ANKUB1: variants seen among roughly 807,000 people sequenced by gnomAD.
ANKUB1 encodes the protein ankyrin repeat and ubiquitin domain containing 1, also known as protein ANKUB1.
Under a neutral mutation model 49.3 loss-of-function variants are expected in ANKUB1, and 42 were observed. The observed-to-expected ratio is 0.85, with a 90% confidence interval of 0.67 to 1.10. ANKUB1 has a LOEUF of 1.10. ANKUB1 is among the 50% of genes least tolerant of loss of function. ANKUB1 has a pLI of 0.00. For missense variants in ANKUB1, 613 were observed against 642.0 expected, an observed-to-expected ratio of 0.95 and a Z score of 0.49; for synonymous variants, 222 against 231.0, an observed-to-expected ratio of 0.96 and a Z score of 0.35.
At position 149,767,849 on chromosome 3, in the gene ANKUB1, AT is replaced by A. The variant is rs778338192; in HGVS notation, c.812del (p.Asn271MetfsTer8). The A allele has an allele frequency of 3.9e-6, 6 of 1,551,634 alleles. No homozygotes were observed. In the South Asian group the frequency reaches 5.9e-5, roughly 15 times the overall value. ...TGGTCAGGGGAGTTTGTCCTGCTGC[AT>A]TTTTGCATTCCAGGCACAGCACACT... ...NYSVLCLECK[N>X]AAGQTPLTIV... On this transcript the variant is annotated frameshift_variant, in exon 5 of 6. Transcript: ENST00000446160. LOFTEE classifies it high-confidence loss of function.
chr3:149,767,127 C>A, intron 5 of ANKUB1, 30 bp downstream of exon 5: 1 of 1,470,012 alleles, frequency 6.8e-7, no homozygotes, highest in South Asian at 1.4e-5. Flanking sequence ...AAAAGCTTTG[C>A]TGTTTGTATG....
intron 2 of ANKUB1, among the ~76,000 whole-genome samples, chr3:149,787,041 A>C (rs1035654711): frequency 1.3e-5 from 2 of 152,138 alleles, no homozygotes; most frequent in African/African-American, 4.8e-5. Context: ...GCTTAGGATC[A>C]TCTTGGCAAT....
At chr3:149,780,198 A>G (rs1222329481) in intron 3 of ANKUB1, 41 bp downstream of exon 3, 2 of 1,513,968 alleles carry the variant, frequency 1.3e-6, no homozygotes, top group African/African-American at 1.4e-5. Context: ...AAAGGACCCT[A>G]GTGCCAAATG....
chr3:149,783,943 T>A (rs1717975670), intron 2 of ANKUB1: 1 of 152,228 alleles, frequency 6.6e-6, no homozygotes, highest in African/African-American at 2.4e-5. Flanking sequence ...GTGTAAATTT[T>A]AAAGAAACAT....
rs544794016 is a variant in ANKUB1, at chr3:149,787,016, A to C, written c.234+3765T>G. On this transcript the variant is annotated intron_variant, in intron 2 of 5. Transcript: ENST00000446160. ...TGAAGTCAGGTAGCATGATGCCTCCAGCTTTGTTCTTTTGGCTTAGGATCA... is the reference window on the plus strand; with the variant it reads ...TGAAGTCAGGTAGCATGATGCCTCCCGCTTTGTTCTTTTGGCTTAGGATCA... Among the ~76,000 whole-genome samples, 5 of 152,308 alleles carry C rather than the reference A, an allele frequency of 3.3e-5. No homozygotes were observed. The South Asian group carries it at 1.0e-3, about 32-fold the overall frequency.
chr3:149,772,259 G>C (rs921402900), intron 3 of ANKUB1, among the ~76,000 whole-genome samples: 1 of 152,176 alleles, frequency 6.6e-6, no homozygotes, highest in East Asian at 1.9e-4. Context: ...AACTTCAAAC[G>C]ATCCATCCGC....
chr3:149,770,522 A>C (rs7630033), intron 4 of ANKUB1, 38 bp downstream of exon 4: 1 of 1,421,594 alleles, frequency 7.0e-7, no homozygotes, highest in East Asian at 2.5e-5. Flanking sequence ...TAAAAATCAC[A>C]GCACTTGCTA....
intron 2 of ANKUB1, among the ~76,000 whole-genome samples, chr3:149,788,271 C>T (rs115290595): frequency 0.022 from 3,274 of 152,202 alleles, 111 homozygotes; most frequent in African/African-American, 0.076. Flanking sequence ...TGTGATTCTA[C>T]CTGACAGCAT....
At chr3:149,773,826 G>GCCAT (rs1717466311) in intron 3 of ANKUB1, among the ~76,000 whole-genome samples, 1 of 152,234 alleles carries the variant, frequency 6.6e-6, no homozygotes, top group Admixed American at 6.5e-5. Flanking sequence ...GGACCAGCCA[G>GCCAT]CCCCAGGTCC....
At chr3:149,791,799 G>A (rs924677753) in intron 1 of ANKUB1, among the ~76,000 whole-genome samples, 1 of 152,142 alleles carries the variant, frequency 6.6e-6, no homozygotes, top group African/African-American at 2.4e-5. Flanking sequence ...ACCTCTCAGA[G>A]CTTCAGTTTT....
chr3:149,770,456 A>G (rs1329480743), intron 4 of ANKUB1, 104 bp downstream of exon 4: 11 of 793,918 alleles, frequency 1.4e-5, no homozygotes, highest in South Asian at 1.1e-4. Flanking sequence ...GGCATAGAGC[A>G]GCACCCCAGC....
At chr3:149,791,034 G>A in intron 1 of ANKUB1, 110 bp from the exon 2 acceptor site, 3 of 1,108,644 alleles carry the variant, frequency 2.7e-6, no homozygotes, top group South Asian at 1.9e-5. Flanking sequence ...TAATTGTTTG[G>A]GACAAAGGGA....
intron 4 of ANKUB1, 44 bp from the exon 5 acceptor site, chr3:149,768,139 G>T: frequency 8.0e-7 from 1 of 1,245,024 alleles, no homozygotes; most frequent in Non-Finnish European, 1.1e-6. Flanking sequence ...TAGAAAATCA[G>T]CAAACAGACA....
At chr3:149,770,770 T>C in intron 3 of ANKUB1, 96 bp from the exon 4 acceptor site, 1 of 692,268 alleles carries the variant, frequency 1.4e-6, no homozygotes, top group South Asian at 2.0e-5. Context: ...AACAGAGGCT[T>C]AGCTAGATGC....
Position 149,761,541 on chromosome 3 carries a change from G to T in ANKUB1, c.1578C>A (p.Asn526Lys). The change falls in exon 6 of 6, where the codon AAC becomes AAA. Residue 526 changes from asparagine (N) to lysine (K), a missense_variant. By Grantham distance (94) the Asn-to-Lys change is moderately conservative. Coordinates refer to ENST00000446160, the MANE Select transcript of ANKUB1 (RefSeq NM_001144960.3). ...ARVLAKKSISNLTTRGGLTAC... is the reference protein window; with the variant it reads ...ARVLAKKSISKLTTRGGLTAC... Reference sequence around the variant, plus strand: ...CTGTCAGACCTCCTCGGGTAGTCAAGTTAGAAATGCTCTTTTTGGCCAGGA... The same window carrying T: ...CTGTCAGACCTCCTCGGGTAGTCAATTTAGAAATGCTCTTTTTGGCCAGGA... 6.4e-7 allele frequency: 1 copy of T among 1,551,456 alleles called. No individual in the cohort carries two copies. The highest frequency in any genetic ancestry group is 1.2e-5 in the South Asian group (1 of 84,050).
chr3:149,763,584 C>G (rs1020684623), intron 5 of ANKUB1, among the ~76,000 whole-genome samples: 1 of 152,226 alleles, frequency 6.6e-6, no homozygotes, highest in East Asian at 1.9e-4. Context: ...CACTCAAACT[C>G]TCAGCCTTCT....
chr3:149,771,323 C>T (rs987703033), intron 3 of ANKUB1, among the ~76,000 whole-genome samples: 1 of 152,184 alleles, frequency 6.6e-6, no homozygotes. Flanking sequence ...TAAACCCAGC[C>T]TTCTCCCTAT....
At chr3:149,766,898 G>C in intron 5 of ANKUB1, 1 of 1,158,910 alleles carries the variant, frequency 8.6e-7, no homozygotes, top group Non-Finnish European at 1.2e-6. Context: ...CTTGAGAATT[G>C]ATACAATTCT....
chr3:149,775,486 T>C (rs1717551618), intron 3 of ANKUB1, among the ~76,000 whole-genome samples: 1 of 152,016 alleles, frequency 6.6e-6, no homozygotes, highest in Non-Finnish European at 1.5e-5. Flanking sequence ...ATAAAAGGAA[T>C]TAAAATAGCA....
Sources: allele counts gnomAD v4.1 joint callset (sites outside exome capture counted in the v4.1 genomes callset), GRCh38; gene constraint gnomAD v4.1.1; transcripts MANE v1.5; gene names NCBI Gene and HGNC (gene_info 2026-07-23, HGNC 2026-07-21).